SYN3: variants seen among roughly 807,000 people sequenced by gnomAD.
The protein encoded by SYN3 is synapsin-3.
SYN3 carries 35 observed loss-of-function variants against 65.8 expected under a neutral mutation model. That is an observed-to-expected ratio of 0.53 (90% CI 0.41 to 0.70). The LOEUF is 0.70. Among genes scored for constraint, SYN3 ranks in the 30% least tolerant of loss-of-function variants. SYN3 has a pLI of 0.00. For synonymous variants in SYN3, 270 were observed against 292.9 expected (o/e 0.92, Z 0.80); for missense variants, 680 against 749.0 (o/e 0.91, Z 1.08).
chr22:33,047,708 A>T (rs5749551), intron 1 of SYN3, among the ~76,000 whole-genome samples: 46,667 of 151,244 alleles, frequency 0.31, 7,301 homozygotes, highest in Admixed American at 0.33. Context: ...AAGAAAAAAA[A>T]AATAATAAAA....
At chr22:32,600,877 G>A (rs925515711) in intron 6 of SYN3, among the ~76,000 whole-genome samples, 3 of 152,148 alleles carry the variant, frequency 2.0e-5, no homozygotes, top group Middle Eastern at 3.4e-3. Context: ...AGTAGAGACC[G>A]GGTTTCACTA....
chr22:32,989,818 G>A, intron 2 of SYN3, among the ~76,000 whole-genome samples: 1 of 138,362 alleles, frequency 7.2e-6, no homozygotes. Context: ...CTGGGTGACA[G>A]AGTGAGACTC....
At chr22:32,555,498 A>G (rs2058481575) in intron 7 of SYN3, among the ~76,000 whole-genome samples, 1 of 152,182 alleles carries the variant, frequency 6.6e-6, no homozygotes, top group African/African-American at 2.4e-5. Context: ...CCCAGCTTGG[A>G]GCATGCTCCC....
chr22:32,558,945 C>T (rs2058543947), intron 7 of SYN3, among the ~76,000 whole-genome samples: 1 of 152,218 alleles, frequency 6.6e-6, no homozygotes, highest in Non-Finnish European at 1.5e-5. Flanking sequence ...CCATGTGACT[C>T]AGCCTGTGAA....
At chr22:32,856,279 T>C (rs1601552630) in intron 6 of SYN3, among the ~76,000 whole-genome samples, 1 of 82,756 alleles carries the variant, frequency 1.2e-5, no homozygotes, top group Non-Finnish European at 2.6e-5. Flanking sequence ...ATGTCAGACA[T>C]GTGTAGCCGA....
chr22:33,030,794 C>G (rs890582304), intron 1 of SYN3, among the ~76,000 whole-genome samples: 5 of 150,934 alleles, frequency 3.3e-5, no homozygotes, highest in African/African-American at 1.2e-4. Flanking sequence ...TAGACAGAAA[C>G]AGACCCCCAG....
At chr22:32,546,454 C>T (rs1305634257) in intron 7 of SYN3, among the ~76,000 whole-genome samples, 2 of 152,130 alleles carry the variant, frequency 1.3e-5, no homozygotes, top group African/African-American at 2.4e-5. Context: ...GTGCTACGCT[C>T]TCTGAGGGTT....
chr22:32,953,759 C>G (rs2051361360), intron 3 of SYN3, among the ~76,000 whole-genome samples: 1 of 152,042 alleles, frequency 6.6e-6, no homozygotes, highest in Non-Finnish European at 1.5e-5. Context: ...CTTTACTATC[C>G]TTATCACCAA....
chr22:32,518,369 T>C (rs2057816680), intron 12 of SYN3, 35 bp from the exon 13 acceptor site: 2 of 1,609,066 alleles, frequency 1.2e-6, no homozygotes, highest in Admixed American at 3.4e-5. Flanking sequence ...TCAGTTCAAT[T>C]TTTTTTCTTA....
At chr22:32,635,434 T>C (rs1375373939) in intron 6 of SYN3, among the ~76,000 whole-genome samples, 2 of 152,218 alleles carry the variant, frequency 1.3e-5, no homozygotes, top group African/African-American at 4.8e-5. Flanking sequence ...AGGGAAATAT[T>C]TACTCACAGC....
At chr22:32,679,838 G>GTTTTTTTTTTTTTTTTT (rs2060497017) in intron 6 of SYN3, among the ~76,000 whole-genome samples, 6 of 6,554 alleles carry the variant, frequency 9.2e-4, no homozygotes, top group Non-Finnish European at 1.1e-3. Flanking sequence ...TTGTTTTTTG[G>GTTTTTTTTTTTTTTTTT]CTTTTTTTTT....
intron 4 of SYN3, among the ~76,000 whole-genome samples, chr22:32,875,905 G>A (rs1330244687): frequency 6.6e-6 from 1 of 152,132 alleles, no homozygotes; most frequent in Non-Finnish European, 1.5e-5. Flanking sequence ...TGTTATAGCA[G>A]CCTCAGGAAA....
intron 5 of SYN3, among the ~76,000 whole-genome samples, chr22:32,867,046 G>A (rs904740729): frequency 6.6e-6 from 1 of 152,108 alleles, no homozygotes; most frequent in African/African-American, 2.4e-5. Context: ...GAGGTTAATG[G>A]GGTTGCTGCT....
intron 3 of SYN3, among the ~76,000 whole-genome samples, chr22:32,978,682 T>C (rs1015400099): frequency 6.6e-6 from 1 of 152,218 alleles, no homozygotes; most frequent in Admixed American, 6.5e-5. Context: ...CCCTGGCTTC[T>C]ACCTGTAAGT....
intron 10 of SYN3, among the ~76,000 whole-genome samples, chr22:32,531,434 A>G (rs2058069629): frequency 6.6e-6 from 1 of 152,164 alleles, no homozygotes; most frequent in Non-Finnish European, 1.5e-5. Context: ...AGCCACCGCA[A>G]GGAACCTGAG....
At chr22:32,605,945 A>G (rs1324917583) in intron 6 of SYN3, among the ~76,000 whole-genome samples, 1 of 152,172 alleles carries the variant, frequency 6.6e-6, no homozygotes, top group East Asian at 1.9e-4. Context: ...CCCAAATAGG[A>G]AGATCACTTG....
At chr22:32,650,693 C>T (rs933234213) in intron 6 of SYN3, among the ~76,000 whole-genome samples, 1 of 152,174 alleles carries the variant, frequency 6.6e-6, no homozygotes, top group Non-Finnish European at 1.5e-5. Context: ...CCCAGGCTCA[C>T]ACAGCTGGTC....
chr22:32,633,834 AGGCT>A, intron 6 of SYN3, among the ~76,000 whole-genome samples: 1 of 151,398 alleles, frequency 6.6e-6, no homozygotes, highest in East Asian at 2.0e-4. Flanking sequence ...CATGTTGCCC[AGGCT>A]GGTCTTGAAC....
At chr22:32,836,687 G>T (rs2047739045) in intron 6 of SYN3, among the ~76,000 whole-genome samples, 1 of 152,152 alleles carries the variant, frequency 6.6e-6, no homozygotes, top group Non-Finnish European at 1.5e-5. Context: ...TGGAAGGGAG[G>T]TGCTGAGTGA....
Sources: gnomAD v4.1 joint callset for allele counts (sites outside exome capture counted in the v4.1 genomes callset) on GRCh38, gnomAD v4.1.1 for gene constraint, MANE v1.5 for transcripts, NCBI Gene and HGNC (gene_info 2026-07-23, HGNC 2026-07-21) for gene names.